MED13L: variants seen among roughly 807,000 people sequenced by gnomAD.
The protein encoded by MED13L is mediator of RNA polymerase II transcription subunit 13-like.
MED13L carries 7 observed loss-of-function variants against 220.9 expected under a neutral mutation model. The ratio of observed to expected loss-of-function variants is 0.03; its 90% CI spans 0.02 to 0.06. The LOEUF is 0.06. Ranked by LOEUF, MED13L falls within the 10% of genes least tolerant of loss-of-function variation. MED13L has a pLI of 1.00. For synonymous variants in MED13L, 1,011 were observed against 1,015.2 expected, an observed-to-expected ratio of 1.00 and a Z score of 0.08; for missense variants, 1,965 against 2,760.5, an observed-to-expected ratio of 0.71 and a Z score of 6.46.
At chr12:116,248,073 A>C (rs1871231299) in intron 1 of MED13L, among the ~76,000 whole-genome samples, 2 of 152,224 alleles carry the variant, frequency 1.3e-5, no homozygotes, top group Admixed American at 1.3e-4. Context: ...GAGGAAATCT[A>C]AACATGTCAT....
At chr12:116,241,169 T>C (rs1277505976) in intron 1 of MED13L, among the ~76,000 whole-genome samples, 1 of 151,318 alleles carries the variant, frequency 6.6e-6, no homozygotes, top group African/African-American at 2.4e-5. Context: ...TAGCGGGGCG[T>C]GGTGGTGCAC....
chr12:116,123,318 A>G (rs1377422440), intron 2 of MED13L, among the ~76,000 whole-genome samples: 2 of 152,208 alleles, frequency 1.3e-5, no homozygotes, highest in African/African-American at 4.8e-5. Flanking sequence ...AAGGAAAACC[A>G]ATATTTTTAA....
At chr12:116,001,667 T>C (rs940770378) in intron 14 of MED13L, among the ~76,000 whole-genome samples, 1 of 152,194 alleles carries the variant, frequency 6.6e-6, no homozygotes, top group Non-Finnish European at 1.5e-5. Flanking sequence ...TATATATGCT[T>C]TGTACACATT....
chr12:116,182,682 C>A (rs2138229625), intron 2 of MED13L, among the ~76,000 whole-genome samples: 1 of 152,234 alleles, frequency 6.6e-6, no homozygotes, highest in African/African-American at 2.4e-5. Context: ...AATACCAACA[C>A]AAAACAAGTG....
chr12:116,136,724 T>C (rs1260868271), intron 2 of MED13L, among the ~76,000 whole-genome samples: 4 of 152,244 alleles, frequency 2.6e-5, no homozygotes, highest in Non-Finnish European at 5.9e-5. Context: ...TTATCAGCTA[T>C]AGTTTTGATT....
intron 2 of MED13L, among the ~76,000 whole-genome samples, chr12:116,144,768 A>G (rs571148329): frequency 6.6e-6 from 1 of 152,344 alleles, no homozygotes; most frequent in South Asian, 2.1e-4. Flanking sequence ...CTGGGCACTG[A>G]ATCTGATATG....
intron 30 of MED13L, chr12:115,961,643 C>A (rs74790004): frequency 3.7e-6 from 2 of 546,236 alleles, no homozygotes; most frequent in Non-Finnish European, 6.6e-6. Flanking sequence ...TAGGAACTTG[C>A]GTGGACTGCA....
At chr12:116,206,074 CTTTTTTTTTTT>C (rs1160337465) in intron 2 of MED13L, among the ~76,000 whole-genome samples, 1 of 87,190 alleles carries the variant, frequency 1.1e-5, no homozygotes, top group Non-Finnish European at 2.1e-5. Context: ...GTATTATTAC[CTTTTTTTTTTT>C]TTTTTTTTTT....
intron 14 of MED13L, 42 bp downstream of exon 14, chr12:116,002,961 A>G: frequency 7.0e-7 from 1 of 1,425,472 alleles, no homozygotes. Flanking sequence ...TCTAAGTTAC[A>G]GGCAGTGAGC....
At chr12:116,031,732 A>G (rs1195052275) in intron 4 of MED13L, among the ~76,000 whole-genome samples, 1 of 77,376 alleles carries the variant, frequency 1.3e-5, no homozygotes, top group African/African-American at 7.6e-5. Flanking sequence ...AAAGAAAAGA[A>G]AAGAAAAGAA....
chr12:116,264,220 A>G (rs1357226299), intron 1 of MED13L, among the ~76,000 whole-genome samples: 1 of 152,214 alleles, frequency 6.6e-6, no homozygotes, highest in African/African-American at 2.4e-5. Context: ...ACTGTCTCTA[A>G]AAGCAATTCC....
At chr12:116,209,406 A>G (rs1882555553) in intron 2 of MED13L, among the ~76,000 whole-genome samples, 2 of 152,216 alleles carry the variant, frequency 1.3e-5, no homozygotes, top group South Asian at 4.1e-4. Flanking sequence ...ATATCCAGAA[A>G]AATCACATGT....
intron 2 of MED13L, chr12:116,148,633 G>A (rs750883168): frequency 1.3e-4 from 24 of 179,084 alleles, no homozygotes; most frequent in Admixed American, 1.2e-3. Context: ...ATATATATAC[G>A]GAGCTAGATA....
rs1486834328 is a variant in MED13L at position 115,991,671 on chromosome 12, C to A, written c.3283G>T (p.Val1095Leu). The change falls in exon 17 of 31, where the codon GTG (valine) becomes TTG (leucine). Residue 1095 changes from valine (V) to leucine (L), a missense_variant. This residue lies in a region of MED13L where 233 missense variants were observed against 306.2 expected (regional missense o/e 0.76). Coordinates refer to ENST00000281928, the MANE Select transcript of MED13L (RefSeq NM_015335.5). This position sits in a 1 kb window ranked among gnomAD's most constrained non-coding sequence, Gnocchi z 7.7. ...ATTGGCTGCATGGTGGCGGGCTCCA[C>A]AGAGTTGAGGGGCCGTGTAGTAGAG... ...TPSTTRPLNS[V>L]EPATMQPIPE... The A allele has an allele frequency of 6.2e-7, 1 of 1,614,050 alleles. No individual in the cohort carries two copies. Among genetic ancestry groups the A allele is most frequent in the South Asian group, 1.1e-5 (1 of 91,072 alleles).
intron 1 of MED13L, among the ~76,000 whole-genome samples, chr12:116,240,935 CTTCTT>C (rs1870578631): frequency 6.6e-6 from 1 of 152,126 alleles, no homozygotes; most frequent in Non-Finnish European, 1.5e-5. Flanking sequence ...AGAAGACTAA[CTTCTT>C]TTATCACCTA....
Position 116,006,316 on chromosome 12 carries a change from A to G in MED13L, c.2334T>C (p.Ala778=), listed in dbSNP as rs762652807. The part of the protein sequence containing the change: ...GKNAMSIFSS[A]TKTDVRQDNA... ...AATCATTGTACACACCTGTTTTAGT[A>G]GCAGAACTGAAAATAGACATGGCAT... Residue 778 remains alanine, a synonymous_variant, in exon 12 of 31, where the codon GCT becomes GCC. Transcript: ENST00000281928. 7.4e-6 allele frequency: 12 copies of G among 1,613,482 alleles called. No homozygotes were observed. Among genetic ancestry groups the G allele is most frequent in the Non-Finnish European group, 9.3e-6 (11 of 1,179,510 alleles).
At chr12:116,273,550 A>G (rs910072229) in intron 1 of MED13L, among the ~76,000 whole-genome samples, 1 of 149,248 alleles carries the variant, frequency 6.7e-6, no homozygotes, top group Non-Finnish European at 1.5e-5. Context: ...CTGCAAAAAA[A>G]TCCCTTAAGA....
intron 1 of MED13L, 42 bp downstream of exon 1, chr12:116,277,018 C>CG (rs778737574): frequency 8.0e-5 from 113 of 1,408,482 alleles, no homozygotes; most frequent in Middle Eastern, 2.2e-4. Flanking sequence ...GGACCCCCCC[C>CG]CTTCCCCGGC....
At chr12:116,016,878 C>G (rs1879756788) in intron 7 of MED13L, among the ~76,000 whole-genome samples, 1 of 152,166 alleles carries the variant, frequency 6.6e-6, no homozygotes, top group African/African-American at 2.4e-5. Flanking sequence ...CTATTCGGCC[C>G]TCCTAAGCCC....
Sources: allele counts gnomAD v4.1 joint callset (sites outside exome capture counted in the v4.1 genomes callset), GRCh38; gene constraint gnomAD v4.1.1; regional missense constraint gnomAD v4.1.1; non-coding constraint Gnocchi (gnomAD v3.1); transcripts MANE v1.5; gene names NCBI Gene and HGNC (gene_info 2026-07-23, HGNC 2026-07-21).